Variants in RAB3C observed in about 807,000 individuals in gnomAD.
RAB3C encodes ras-related protein Rab-3C.
RAB3C carries 17 observed loss-of-function variants against 26.4 expected under a neutral mutation model. The ratio of observed to expected loss-of-function variants is 0.64; its 90% CI spans 0.44 to 0.97. The LOEUF (loss-of-function observed/expected upper bound fraction) is 0.97, where lower values mean the gene tolerates loss of function less well. Ranked by LOEUF, RAB3C falls within the 50% of genes least tolerant of loss-of-function variation. The pLI, the probability that RAB3C is intolerant of heterozygous loss-of-function variation, is 0.00. For synonymous variants in RAB3C, 91 were observed against 95.9 expected, an observed-to-expected ratio of 0.95 and a Z score of 0.30; for missense variants, 242 against 281.9, an observed-to-expected ratio of 0.86 and a Z score of 1.01.
At chr5:58,798,491 A>T (rs1387930500) in intron 3 of RAB3C, among the ~76,000 whole-genome samples, 1 of 152,168 alleles carries the variant, frequency 6.6e-6, no homozygotes, top group Non-Finnish European at 1.5e-5. Flanking sequence ...CAAGATTCAA[A>T]ATGCTCTGAA....
chr5:58,723,827 G>A (rs541052714), intron 2 of RAB3C, among the ~76,000 whole-genome samples: 19 of 151,790 alleles, frequency 1.3e-4, no homozygotes, highest in Non-Finnish European at 2.1e-4. Flanking sequence ...CCAGATTGAT[G>A]TCAGAAAGAA....
intron 2 of RAB3C, among the ~76,000 whole-genome samples, chr5:58,633,834 T>C (rs1053606450): frequency 3.3e-5 from 5 of 152,106 alleles, no homozygotes; most frequent in African/African-American, 1.2e-4. Context: ...TATTTACTTG[T>C]TAAATTTGTT....
intron 1 of RAB3C, among the ~76,000 whole-genome samples, chr5:58,607,362 A>G (rs1237597131): frequency 6.6e-6 from 1 of 152,220 alleles, no homozygotes; most frequent in Non-Finnish European, 1.5e-5. Context: ...AAGATTAGAG[A>G]AAAAAGAGTA....
intron 4 of RAB3C, among the ~76,000 whole-genome samples, chr5:58,846,528 G>A (rs1401533725): frequency 2.0e-5 from 3 of 152,070 alleles, no homozygotes; most frequent in Non-Finnish European, 4.4e-5. Context: ...ACAGGATTGT[G>A]GCACCACACT....
chr5:58,726,194 G>A, intron 3 of RAB3C, 74 bp downstream of exon 3: 1 of 725,566 alleles, frequency 1.4e-6, no homozygotes, highest in Admixed American at 2.5e-5. Flanking sequence ...TCCCAAAGCA[G>A]TGACCATACC....
intron 3 of RAB3C, among the ~76,000 whole-genome samples, chr5:58,746,840 A>G (rs1433851234): frequency 6.6e-6 from 1 of 152,250 alleles, no homozygotes; most frequent in Non-Finnish European, 1.5e-5. Flanking sequence ...TATTATTTTA[A>G]TAACTACTGT....
chr5:58,662,141 A>G (rs1328690044), intron 2 of RAB3C, among the ~76,000 whole-genome samples: 4 of 149,442 alleles, frequency 2.7e-5, no homozygotes. Context: ...CACTCTCTCT[A>G]TTTCTGGATA....
At chr5:58,705,656 C>T (rs555902759) in intron 2 of RAB3C, among the ~76,000 whole-genome samples, 1 of 152,122 alleles carries the variant, frequency 6.6e-6, no homozygotes, top group Admixed American at 6.5e-5. Context: ...GTAGATGATG[C>T]CCACATTTTT....
At chr5:58,718,351 G>A (rs1486953166) in intron 2 of RAB3C, among the ~76,000 whole-genome samples, 1 of 151,996 alleles carries the variant, frequency 6.6e-6, no homozygotes, top group Non-Finnish European at 1.5e-5. Context: ...AGCATTTACT[G>A]AAAACCATCT....
In RAB3C at chr5:58,662,152, G is replaced by A. The variant is rs951029022; in HGVS notation, c.252+44282G>A. On this transcript the variant is annotated intron_variant, in intron 2 of 4. Coordinates refer to ENST00000282878, the MANE Select transcript of RAB3C (RefSeq NM_138453.4). Reference sequence around the variant, plus strand: ...TGCTCACTCTCTCTATTTCTGGATAGTGGGGAAGAGGATATTGTGCCCTTT... The same window carrying A: ...TGCTCACTCTCTCTATTTCTGGATAATGGGGAAGAGGATATTGTGCCCTTT... 1.3e-5 allele frequency among the ~76,000 whole-genome samples: 2 copies of A among 149,920 alleles called. 1 individual carries two copies. The highest frequency in any genetic ancestry group is 5.1e-5 in the African/African-American group (2 of 39,366).
intron 2 of RAB3C, among the ~76,000 whole-genome samples, chr5:58,688,533 C>G (rs1427397253): frequency 1.3e-5 from 2 of 152,092 alleles, no homozygotes; most frequent in Non-Finnish European, 2.9e-5. Context: ...AATTATGAAG[C>G]CTTTACATAA....
intron 4 of RAB3C, among the ~76,000 whole-genome samples, chr5:58,842,476 C>T (rs962472443): frequency 6.6e-6 from 1 of 152,210 alleles, no homozygotes; most frequent in African/African-American, 2.4e-5. Flanking sequence ...CAGACTGACC[C>T]ATGATATTTC....
chr5:58,680,303 G>A (rs769599361), intron 2 of RAB3C, among the ~76,000 whole-genome samples: 1 of 152,110 alleles, frequency 6.6e-6, no homozygotes, highest in Non-Finnish European at 1.5e-5. Context: ...CATTAGTGAA[G>A]GAGAAAAACT....
intron 2 of RAB3C, among the ~76,000 whole-genome samples, chr5:58,627,471 TAAAAAA>T (rs58104232): frequency 1.5e-5 from 1 of 68,444 alleles, no homozygotes; most frequent in Non-Finnish European, 3.2e-5. Flanking sequence ...GACTCCGTCT[TAAAAAA>T]AAAAAAAAAA....
chr5:58,755,278 C>G (rs934436762), intron 3 of RAB3C, among the ~76,000 whole-genome samples: 3 of 152,220 alleles, frequency 2.0e-5, no homozygotes, highest in African/African-American at 7.2e-5. Context: ...TAAGCCTGAA[C>G]TAATCTGATG....
At chr5:58,709,538 A>G (rs547652791) in intron 2 of RAB3C, among the ~76,000 whole-genome samples, 1 of 152,344 alleles carries the variant, frequency 6.6e-6, no homozygotes, top group East Asian at 1.9e-4. Flanking sequence ...TAAAATGAAA[A>G]AAGCCATTTC....
intron 2 of RAB3C, among the ~76,000 whole-genome samples, chr5:58,634,601 G>A (rs1434756666): frequency 6.6e-6 from 1 of 152,160 alleles, no homozygotes; most frequent in Non-Finnish European, 1.5e-5. Context: ...CTTAGACCAA[G>A]AAAAAATTCA....
At chr5:58,626,578 A>G (rs1561271174) in intron 2 of RAB3C, among the ~76,000 whole-genome samples, 1 of 152,176 alleles carries the variant, frequency 6.6e-6, no homozygotes, top group Non-Finnish European at 1.5e-5. Context: ...GGATATTATG[A>G]CCTTGGACAA....
At chr5:58,636,944 A>T (rs763850540) in intron 2 of RAB3C, among the ~76,000 whole-genome samples, 44 of 152,218 alleles carry the variant, frequency 2.9e-4, no homozygotes, top group Non-Finnish European at 7.3e-5. Flanking sequence ...GATGAGGAGC[A>T]TATGAAAATT....
Sources: gnomAD v4.1 joint callset for allele counts (sites outside exome capture counted in the v4.1 genomes callset) on GRCh38, gnomAD v4.1.1 for gene constraint, MANE v1.5 for transcripts, NCBI Gene and HGNC (gene_info 2026-07-23, HGNC 2026-07-21) for gene names.